The following UBE3D variants were observed in gnomAD, a reference collection of about 807,000 sequenced individuals.
The protein encoded by UBE3D is E3 ubiquitin-protein ligase E3D.
A neutral mutation model predicts 49.6 loss-of-function variants in UBE3D; 48 were observed. The observed-to-expected ratio is 0.97, with a 90% CI of 0.77 to 1.23. The LOEUF (loss-of-function observed/expected upper bound fraction) is 1.23. Among genes scored for constraint, UBE3D ranks in the 50% most tolerant of loss-of-function variants. The probability of loss-of-function intolerance (pLI) is 0.00; values close to 1 mark genes in which losing one functional copy is unlikely to be tolerated. For synonymous variants in UBE3D, 189 were observed against 174.2 expected (o/e 1.08, Z -0.67); for missense variants, 452 against 468.4 (o/e 0.96, Z 0.32).
At chr6:82,901,362 A>T (rs940714078) in intron 9 of UBE3D, among the ~76,000 whole-genome samples, 14 of 152,170 alleles carry the variant, frequency 9.2e-5, no homozygotes, top group African/African-American at 3.4e-4. Flanking sequence ...AACACTTTCA[A>T]ATAGTCCAGC....
intron 9 of UBE3D, among the ~76,000 whole-genome samples, chr6:82,934,492 G>A (rs918755761): frequency 3.3e-4 from 50 of 152,142 alleles, no homozygotes; most frequent in Admixed American, 3.3e-3. Flanking sequence ...CTTACATGGG[G>A]TTTCTCATCT....
chr6:82,895,443 G>C (rs1454723461), intron 9 of UBE3D, among the ~76,000 whole-genome samples: 1 of 152,200 alleles, frequency 6.6e-6, no homozygotes, highest in African/African-American at 2.4e-5. Flanking sequence ...ACGTAACTGG[G>C]AGGGGGTGCT....
At chr6:83,002,319 T>C (rs1779686713) in intron 8 of UBE3D, among the ~76,000 whole-genome samples, 1 of 152,188 alleles carries the variant, frequency 6.6e-6, no homozygotes, top group African/African-American at 2.4e-5. Flanking sequence ...CAACAGTATT[T>C]AGAGGTAGGG....
intron 9 of UBE3D, among the ~76,000 whole-genome samples, chr6:82,919,329 C>A (rs1466993521): frequency 2.6e-5 from 4 of 152,008 alleles, no homozygotes; most frequent in South Asian, 4.2e-4. Context: ...CCTGGCCAGG[C>A]ACGGTGGCTC....
chr6:83,063,881 G>T (rs1446509584), intron 1 of UBE3D, among the ~76,000 whole-genome samples: 1 of 152,010 alleles, frequency 6.6e-6, no homozygotes, highest in Admixed American at 6.6e-5. Context: ...TTCACTCTTA[G>T]GTACTTACCT....
At chr6:82,989,107 G>A (rs978284732) in intron 8 of UBE3D, among the ~76,000 whole-genome samples, 2 of 152,028 alleles carry the variant, frequency 1.3e-5, no homozygotes, top group Admixed American at 1.3e-4. Flanking sequence ...AAAGAAAAAT[G>A]TCAAGTAGAG....
intron 9 of UBE3D, chr6:82,932,665 C>G (rs1388686024): frequency 6.6e-6 from 1 of 152,150 alleles, no homozygotes; most frequent in Non-Finnish European, 1.5e-5. Context: ...CTGGAACTTA[C>G]TTATGTTTTT....
At chr6:82,996,154 G>A (rs1399038056) in intron 8 of UBE3D, among the ~76,000 whole-genome samples, 3 of 152,214 alleles carry the variant, frequency 2.0e-5, no homozygotes, top group Admixed American at 1.3e-4. Context: ...TCTAGGGCTG[G>A]GGCTGGGAAA....
chr6:82,971,021 C>CTTTTTT (rs1483936531), intron 8 of UBE3D, among the ~76,000 whole-genome samples: 1 of 152,042 alleles, frequency 6.6e-6, no homozygotes, highest in Non-Finnish European at 1.5e-5. Flanking sequence ...AACATGTGGC[C>CTTTTTT]TTTTTGGTCT....
chr6:82,976,928 C>A (rs553897231), intron 8 of UBE3D, among the ~76,000 whole-genome samples: 82 of 151,940 alleles, frequency 5.4e-4, no homozygotes, highest in African/African-American at 1.8e-3. Flanking sequence ...TCCTGGCTAA[C>A]ACGGTGAAAC....
At chr6:83,005,549 G>A (rs566788384) in intron 8 of UBE3D, among the ~76,000 whole-genome samples, 2 of 152,062 alleles carry the variant, frequency 1.3e-5, no homozygotes, top group East Asian at 1.9e-4. Flanking sequence ...TTGGAAGGCT[G>A]AGGCTGGAGG....
intron 9 of UBE3D, among the ~76,000 whole-genome samples, chr6:82,916,131 T>G (rs1280905263): frequency 6.6e-6 from 1 of 152,204 alleles, no homozygotes; most frequent in Non-Finnish European, 1.5e-5. Context: ...AGGTAAGTAA[T>G]ATTCTTATTA....
chr6:82,970,796 G>A (rs756744171), intron 8 of UBE3D, among the ~76,000 whole-genome samples: 2 of 151,992 alleles, frequency 1.3e-5, no homozygotes, highest in South Asian at 2.1e-4. Flanking sequence ...TCAAGGTCAC[G>A]CCACTGCACT....
Position 83,022,447 on chromosome 6 carries a change from T to C in UBE3D, c.846+6A>G. 3.2e-6 allele frequency: 5 copies of C among 1,547,868 alleles called. No individual in the cohort carries two copies. Among genetic ancestry groups the C allele is most frequent in the Non-Finnish European group, 4.3e-6 (5 of 1,149,622 alleles). The stretch of plus-strand genomic sequence containing the variant: ...CTACAAAAAGCTGGATAAAATAATT[T>C]CTTACCAAGATATACACTTTGTCAT... On this transcript the variant is annotated splice_donor_region_variant and intron_variant, in intron 7 of 9. Transcript: ENST00000369747.
chr6:82,912,250 A>T lies in UBE3D; in HGVS notation c.1150-19208T>A, dbSNP rs534717293. Among the ~76,000 whole-genome samples the T allele has an allele frequency of 6.0e-5, 9 of 150,672 alleles. No homozygotes were observed. The South Asian group carries it at 1.9e-3, about 32-fold the overall frequency. The stretch of plus-strand genomic sequence containing the variant: ...TATGATTTTCTATGTTCACTTTATC[A>T]TTTTTACTCCTCTTAGTGTCATTAA... On this transcript the variant is annotated intron_variant, in intron 9 of 9. Coordinates refer to ENST00000369747, the MANE Select transcript of UBE3D (RefSeq NM_198920.3).
At chr6:82,939,037 G>A (rs867811938) in intron 9 of UBE3D, among the ~76,000 whole-genome samples, 13 of 151,406 alleles carry the variant, frequency 8.6e-5, no homozygotes, top group Admixed American at 2.6e-4. Context: ...CAAGGTGACC[G>A]AGTGAGACTG....
chr6:82,957,181 C>T (rs1334515592), intron 9 of UBE3D, 131 bp downstream of exon 9: 11 of 906,878 alleles, frequency 1.2e-5, no homozygotes, highest in African/African-American at 5.1e-5. Flanking sequence ...CAAAGCAATA[C>T]ATGCATTATG....
intron 8 of UBE3D, among the ~76,000 whole-genome samples, chr6:83,011,079 C>G (rs1780305167): frequency 1.3e-5 from 2 of 152,296 alleles, no homozygotes; most frequent in African/African-American, 4.8e-5. Flanking sequence ...CATAATACAA[C>G]TATCCTTCAT....
intron 4 of UBE3D, among the ~76,000 whole-genome samples, chr6:83,040,051 G>C (rs181885232): frequency 6.6e-6 from 1 of 152,234 alleles, no homozygotes; most frequent in East Asian, 1.9e-4. Context: ...TTGTGTATGT[G>C]TGCATGAGTG....
Sources: allele counts gnomAD v4.1 joint callset (sites outside exome capture counted in the v4.1 genomes callset), GRCh38; gene constraint gnomAD v4.1.1; transcripts MANE v1.5; gene names NCBI Gene and HGNC (gene_info 2026-07-23, HGNC 2026-07-21).